NALF1: variants seen among roughly 807,000 people sequenced by gnomAD.
NALF1 encodes family with sequence similarity 155 member A.
Under a neutral mutation model 48.4 loss-of-function variants are expected in NALF1, and 3 were observed. The observed-to-expected ratio is 0.06, with a 90% confidence interval of 0.03 to 0.16. The LOEUF (loss-of-function observed/expected upper bound fraction) is 0.16. Among genes scored for constraint, NALF1 ranks in the 10% least tolerant of loss-of-function variants. The pLI is 1.00. For synonymous variants in NALF1, 262 were observed against 245.7 expected (o/e 1.07, Z -0.62); for missense variants, 526 against 571.5 (o/e 0.92, Z 0.81).
rs976221506 is a variant in NALF1 at position 107,736,729 on chromosome 13, G to A, written c.915+128953C>T. Among the ~76,000 whole-genome samples the A allele has an allele frequency of 6.6e-5, 10 of 152,196 alleles. No homozygotes were observed. In the East Asian group the frequency reaches 1.2e-3, roughly 18 times the overall value. On this transcript the variant is annotated intron_variant, in intron 1 of 2. Transcript: ENST00000375915. Reference sequence around the variant, plus strand: ...CTAGTGCTTTTAGTTAACAAGTTACGGAAAAAGCCAGAGTGAATCAAAGAC... The same window carrying A: ...CTAGTGCTTTTAGTTAACAAGTTACAGAAAAAGCCAGAGTGAATCAAAGAC...
intron 1 of NALF1, among the ~76,000 whole-genome samples, chr13:107,578,871 G>A (rs778385979): frequency 6.6e-5 from 10 of 152,052 alleles, no homozygotes; most frequent in Non-Finnish European, 1.5e-4. Context: ...TGCTATGTTT[G>A]TACCCTTTAG....
intron 1 of NALF1, among the ~76,000 whole-genome samples, chr13:107,765,857 A>C (rs1475820986): frequency 6.6e-6 from 1 of 152,166 alleles, no homozygotes; most frequent in Non-Finnish European, 1.5e-5. Flanking sequence ...GAAAACGCCT[A>C]CTATTAAACT....
At chr13:107,361,678 A>G (rs1883062974) in intron 1 of NALF1, among the ~76,000 whole-genome samples, 9 of 152,198 alleles carry the variant, frequency 5.9e-5, no homozygotes, top group Admixed American at 5.9e-4. Context: ...GAAGGAATTA[A>G]TATTTGTTGT....
chr13:107,757,332 T>C (rs1049658419), intron 1 of NALF1, among the ~76,000 whole-genome samples: 6 of 151,982 alleles, frequency 3.9e-5, no homozygotes, highest in African/African-American at 1.4e-4. Flanking sequence ...GGACATTATT[T>C]TGGAGAAACA....
intron 1 of NALF1, among the ~76,000 whole-genome samples, chr13:107,821,818 T>C (rs968416266): frequency 6.6e-6 from 1 of 152,232 alleles, no homozygotes; most frequent in African/African-American, 2.4e-5. Context: ...ATTTGTAAAA[T>C]ACTGTCATTG....
rs756267317 is a variant in NALF1 at position 107,785,456 on chromosome 13, A to G, written c.915+80226T>C. Among the ~76,000 whole-genome samples the G allele has an allele frequency of 2.5e-4, 38 of 152,334 alleles. 1 individual carries two copies. Among genetic ancestry groups the G allele is most frequent in the Middle Eastern group, 3.4e-3 (1 of 294 alleles). On this transcript the variant is annotated intron_variant, in intron 1 of 2. Coordinates refer to ENST00000375915, the MANE Select transcript of NALF1 (RefSeq NM_001080396.3). ...TAAGTGAAGTAACTCAGGTATGGAA[A>G]GCCAAACATCGTATGTTTTCACTAG...
chr13:107,605,389 A>G (rs1331647368), intron 1 of NALF1, among the ~76,000 whole-genome samples: 3 of 152,138 alleles, frequency 2.0e-5, no homozygotes, highest in Admixed American at 1.3e-4. Flanking sequence ...AGAAGTGGAG[A>G]CATTCTCCTT....
intron 1 of NALF1, among the ~76,000 whole-genome samples, chr13:107,400,658 C>T (rs1382054279): frequency 4.0e-5 from 6 of 151,726 alleles, no homozygotes; most frequent in Non-Finnish European, 8.8e-5. Context: ...GAGCCAAGAT[C>T]GTGCCACTGC....
In NALF1 at chr13:107,508,389, T is replaced by C. The variant is rs557968982; in HGVS notation, c.916-297634A>G. Among the ~76,000 whole-genome samples the C allele has an allele frequency of 1.6e-3, 248 of 150,940 alleles. 1 individual carries two copies. Among genetic ancestry groups the C allele is most frequent in the African/African-American group, 5.9e-3 (244 of 41,300 alleles). The stretch of plus-strand genomic sequence containing the variant: ...TAATGACATTAATATAATGTATTAC[T>C]ATATATTATATATAACAGTAATATA... On this transcript the variant is annotated intron_variant, in intron 1 of 2. Transcript: ENST00000375915.
intron 1 of NALF1, among the ~76,000 whole-genome samples, chr13:107,409,274 T>TG (rs1368730689): frequency 6.6e-6 from 1 of 152,154 alleles, no homozygotes; most frequent in Non-Finnish European, 1.5e-5. Flanking sequence ...TGCTAGATGT[T>TG]GGAGATACAA....
chr13:107,522,122 A>T (rs948435070), intron 1 of NALF1, among the ~76,000 whole-genome samples: 1 of 152,170 alleles, frequency 6.6e-6, no homozygotes, highest in Non-Finnish European at 1.5e-5. Context: ...TTGCAACAAA[A>T]ATGCTTTTGC....
intron 1 of NALF1, among the ~76,000 whole-genome samples, chr13:107,221,040 A>G (rs1001603791): frequency 6.6e-6 from 1 of 152,160 alleles, no homozygotes; most frequent in Non-Finnish European, 1.5e-5. Flanking sequence ...AAAACCAAAT[A>G]CTGCATATTC....
At chr13:107,176,147 C>A (rs1018253969) in intron 2 of NALF1, among the ~76,000 whole-genome samples, 3 of 152,114 alleles carry the variant, frequency 2.0e-5, no homozygotes, top group Admixed American at 1.3e-4. Flanking sequence ...CAAACAAGAA[C>A]CTCCTTGCAC....
At chr13:107,828,591 CTATA>C (rs1389563252) in intron 1 of NALF1, among the ~76,000 whole-genome samples, 2 of 74,284 alleles carry the variant, frequency 2.7e-5, no homozygotes, top group Non-Finnish European at 5.6e-5. Context: ...ATCTATCTAT[CTATA>C]TCTATATCTA....
intron 1 of NALF1, among the ~76,000 whole-genome samples, chr13:107,404,978 G>A (rs1594158069): frequency 6.6e-6 from 1 of 152,068 alleles, no homozygotes; most frequent in Admixed American, 6.6e-5. Flanking sequence ...CCCTGTGTAT[G>A]CAGGGTAACT....
intron 1 of NALF1, among the ~76,000 whole-genome samples, chr13:107,426,786 A>AT (rs1316619490): frequency 2.0e-5 from 3 of 152,066 alleles, no homozygotes; most frequent in Admixed American, 6.6e-5. Context: ...ACTTCTAGAT[A>AT]TTTTTTCTTT....
At chr13:107,353,880 A>G (rs1428782788) in intron 1 of NALF1, among the ~76,000 whole-genome samples, 1 of 152,212 alleles carries the variant, frequency 6.6e-6, no homozygotes, top group Non-Finnish European at 1.5e-5. Flanking sequence ...ATTTATTCCT[A>G]TACTTAAAAA....
At chr13:107,704,659 T>C (rs1472366009) in intron 1 of NALF1, among the ~76,000 whole-genome samples, 1 of 152,184 alleles carries the variant, frequency 6.6e-6, no homozygotes, top group African/African-American at 2.4e-5. Context: ...AAAAATCCTA[T>C]AATCTCCAGC....
chr13:107,569,127 T>C (rs1877903004), intron 1 of NALF1, among the ~76,000 whole-genome samples: 1 of 152,120 alleles, frequency 6.6e-6, no homozygotes, highest in African/African-American at 2.4e-5. Context: ...GGTCAAAGTT[T>C]ATCTTTCCTC....
Sources: allele counts gnomAD v4.1 joint callset (sites outside exome capture counted in the v4.1 genomes callset), GRCh38; gene constraint gnomAD v4.1.1; transcripts MANE v1.5; gene names NCBI Gene and HGNC (gene_info 2026-07-23, HGNC 2026-07-21).